FHIT: variants seen among roughly 807,000 people sequenced by gnomAD.
FHIT encodes the protein fragile histidine triad diadenosine triphosphatase.
FHIT carries 19 observed loss-of-function variants against 17.9 expected under a neutral mutation model. The observed-to-expected ratio is 1.06, with a 90% CI of 0.74 to 1.56. The LOEUF (loss-of-function observed/expected upper bound fraction) is 1.56, where lower values mean the gene tolerates loss of function less well. Among genes scored for constraint, FHIT ranks in the 40% most tolerant of loss-of-function variants. The pLI is 0.00. For synonymous variants in FHIT, 81 were observed against 69.7 expected (o/e 1.16, Z -0.81); for missense variants, 248 against 189.2 (o/e 1.31, Z -1.82).
chr3:60,398,389 G>C (rs1701535455), intron 5 of FHIT, among the ~76,000 whole-genome samples: 2 of 152,108 alleles, frequency 1.3e-5, no homozygotes, highest in African/African-American at 4.8e-5. Flanking sequence ...CATGCTCTAA[G>C]AAAAATTTCA....
intron 4 of FHIT, among the ~76,000 whole-genome samples, chr3:60,807,989 T>C (rs1701455947): frequency 6.6e-6 from 1 of 152,240 alleles, no homozygotes; most frequent in Non-Finnish European, 1.5e-5. Context: ...TCATAGGCAG[T>C]CCAATCCAAA....
chr3:60,963,591 A>G (rs1709568858), intron 3 of FHIT, among the ~76,000 whole-genome samples: 1 of 152,120 alleles, frequency 6.6e-6, no homozygotes, highest in Non-Finnish European at 1.5e-5. Context: ...CCCTCTACAC[A>G]CTGCTTTAAA....
At chr3:60,884,977 C>T (rs1705155612) in intron 3 of FHIT, among the ~76,000 whole-genome samples, 1 of 150,744 alleles carries the variant, frequency 6.6e-6, no homozygotes, top group African/African-American at 2.4e-5. Context: ...TTCTCTCACT[C>T]CTATGTGGAA....
At chr3:60,098,044 C>G (rs9758551) in intron 5 of FHIT, among the ~76,000 whole-genome samples, 97,905 of 151,128 alleles carry the variant, frequency 0.65, 32,601 homozygotes, top group East Asian at 0.98. Context: ...AGGACATGAA[C>G]TGATTATTTT....
At chr3:60,202,583 A>G (rs1559723606) in intron 5 of FHIT, among the ~76,000 whole-genome samples, 1 of 152,196 alleles carries the variant, frequency 6.6e-6, no homozygotes, top group African/African-American at 2.4e-5. Flanking sequence ...ATTCTGGAAA[A>G]GGATGCTATA....
chr3:60,893,801 C>T (rs574916904), intron 3 of FHIT, among the ~76,000 whole-genome samples: 7 of 152,262 alleles, frequency 4.6e-5, no homozygotes, highest in African/African-American at 1.7e-4. Context: ...ACCTTCCAAC[C>T]AAATTAAAGT....
intron 8 of FHIT, among the ~76,000 whole-genome samples, chr3:59,820,525 T>C (rs1003922116): frequency 6.6e-6 from 1 of 152,240 alleles, no homozygotes; most frequent in Non-Finnish European, 1.5e-5. Context: ...CTACATCCCA[T>C]GAACCAAATC....
intron 7 of FHIT, among the ~76,000 whole-genome samples, chr3:60,000,602 G>A (rs190695379): frequency 2.0e-4 from 31 of 152,068 alleles, no homozygotes; most frequent in African/African-American, 5.8e-4. Flanking sequence ...AGGGAGGGTA[G>A]GAAGAATGCT....
In FHIT at chr3:59,986,838, G is replaced by T. The variant is rs1289883957; in HGVS notation, c.279+24533C>A. Among the ~76,000 whole-genome samples, 44 of 41,306 alleles carry T rather than the reference G, an allele frequency of 1.1e-3. 1 individual carries two copies. The highest frequency in any genetic ancestry group is 4.4e-3 in the African/African-American group (44 of 10,046). The allele number at this position is 41,306 out of a possible 152,430, so 27.1% of individuals were successfully genotyped here. On this transcript the variant is annotated intron_variant, in intron 7 of 9. Coordinates refer to ENST00000492590, the MANE Select transcript of FHIT (RefSeq NM_002012.4). ...TATTAAAATATATACGTATATATGT[G>T]TATATATGTATAGGATTTACTATAG...
intron 3 of FHIT, among the ~76,000 whole-genome samples, chr3:60,917,336 C>T (rs1265243176): frequency 1.3e-5 from 2 of 152,262 alleles, no homozygotes; most frequent in African/African-American, 2.4e-5. Context: ...CCCTGGCACA[C>T]AGCCAGAGCC....
chr3:60,472,059 T>A (rs781294791), intron 5 of FHIT, among the ~76,000 whole-genome samples: 1 of 152,112 alleles, frequency 6.6e-6, no homozygotes, highest in Non-Finnish European at 1.5e-5. Flanking sequence ...CAATGTTCAC[T>A]ATTCAAGTGA....
At chr3:61,245,389 CT>C (rs973806783) in intron 1 of FHIT, among the ~76,000 whole-genome samples, 16 of 152,186 alleles carry the variant, frequency 1.1e-4, no homozygotes, top group African/African-American at 3.9e-4. Flanking sequence ...AAGTCCAGGT[CT>C]TTTGCTCTAT....
chr3:60,552,756 G>A (rs1165907538), intron 4 of FHIT, among the ~76,000 whole-genome samples: 3 of 152,168 alleles, frequency 2.0e-5, no homozygotes, highest in Non-Finnish European at 2.9e-5. Context: ...AATGACATCT[G>A]CTTTGTAGCT....
chr3:60,047,813 T>A (rs540164159), intron 5 of FHIT, among the ~76,000 whole-genome samples: 1 of 152,242 alleles, frequency 6.6e-6, no homozygotes. Flanking sequence ...ACGAGCAGAC[T>A]AGATTTAAGA....
intron 4 of FHIT, among the ~76,000 whole-genome samples, chr3:60,663,471 T>TC (rs2040310059): frequency 6.6e-6 from 1 of 152,020 alleles, no homozygotes; most frequent in African/African-American, 2.4e-5. Context: ...ATTTCACTCT[T>TC]GTTGCCCAGG....
rs1704205328 is a variant in FHIT, at chr3:60,226,472, C to CAAAATAAAAA, written c.104-212321_104-212320insTTTTTATTTT. On this transcript the variant is annotated intron_variant, in intron 5 of 9. Coordinates refer to ENST00000492590, the MANE Select transcript of FHIT (RefSeq NM_002012.4). ...GGGCAACAAGAGTGAAACTCCGTCT[C>CAAAATAAAAA]AAAAAAAAAAAAAAAAAAAAAACAC... Among the ~76,000 whole-genome samples, 2 of 70,148 alleles carry CAAAATAAAAA rather than the reference C, an allele frequency of 2.9e-5. 1 individual carries two copies. Among genetic ancestry groups the CAAAATAAAAA allele is most frequent in the African/African-American group, 1.2e-4 (2 of 17,276 alleles). The allele number at this position is 70,148 out of a possible 152,430, so 46.0% of individuals were successfully genotyped here. A position where few individuals can be genotyped will look rare whatever the true frequency, so the allele number is the denominator to read the frequency against.
intron 5 of FHIT, among the ~76,000 whole-genome samples, chr3:60,451,341 TCTTCAC>T (rs2031730656): frequency 1.3e-5 from 2 of 152,214 alleles, no homozygotes; most frequent in South Asian, 4.2e-4. Flanking sequence ...GTGTTATAAA[TCTTCAC>T]CTTTTCTCCC....
At chr3:60,094,511 A>G (rs1321552669) in intron 5 of FHIT, among the ~76,000 whole-genome samples, 1 of 152,220 alleles carries the variant, frequency 6.6e-6, no homozygotes, top group Non-Finnish European at 1.5e-5. Flanking sequence ...CTGAGGCATC[A>G]ACCACTCAGA....
At chr3:60,073,502 G>A (rs202188405) in intron 5 of FHIT, among the ~76,000 whole-genome samples, 3 of 151,884 alleles carry the variant, frequency 2.0e-5, no homozygotes, top group South Asian at 4.2e-4. Flanking sequence ...TTCGTCTCAC[G>A]TTTGCTCTCT....
Sources: allele counts gnomAD v4.1 joint callset (sites outside exome capture counted in the v4.1 genomes callset), GRCh38; gene constraint gnomAD v4.1.1; transcripts MANE v1.5; gene names NCBI Gene and HGNC (gene_info 2026-07-23, HGNC 2026-07-21).